The following CFAP161 variants were observed in gnomAD, a reference collection of about 807,000 sequenced individuals.
The protein encoded by CFAP161 is cilia and flagella associated protein 161, also known as cilia- and flagella-associated protein 161.
Under a neutral mutation model 29.0 loss-of-function variants are expected in CFAP161, and 25 were observed. That is an observed-to-expected ratio of 0.86 (90% CI 0.63 to 1.20). CFAP161 has a LOEUF of 1.20. CFAP161 is among the 50% of genes most tolerant of loss of function. The probability of loss-of-function intolerance (pLI) is 0.00; values close to 1 mark genes in which losing one functional copy is unlikely to be tolerated. For synonymous variants in CFAP161, 116 were observed against 137.4 expected (o/e 0.84, Z 1.09); for missense variants, 367 against 371.9 (o/e 0.99, Z 0.11).
chr15:81,120,789 G>C (rs1461679451), intron 1 of CFAP161, among the ~76,000 whole-genome samples: 1 of 152,116 alleles, frequency 6.6e-6, no homozygotes, highest in Non-Finnish European at 1.5e-5. Flanking sequence ...GTTTCAAAAA[G>C]GAAAATTTTA....
At chr15:81,103,556 C>T (rs1345337540) in intron 1 of CFAP161, among the ~76,000 whole-genome samples, 1 of 149,452 alleles carries the variant, frequency 6.7e-6, no homozygotes, top group East Asian at 1.9e-4. Flanking sequence ...CTGGAGGTTC[C>T]TGGAGGGTGG....
intron 1 of CFAP161, among the ~76,000 whole-genome samples, chr15:81,100,405 C>T (rs1304785442): frequency 2.0e-5 from 3 of 151,828 alleles, no homozygotes; most frequent in African/African-American, 7.2e-5. Context: ...TGAGACCTTA[C>T]AGATACCTTA....
chr15:81,107,241 G>A (rs1894383198), intron 1 of CFAP161, among the ~76,000 whole-genome samples: 1 of 152,158 alleles, frequency 6.6e-6, no homozygotes, highest in Non-Finnish European at 1.5e-5. Flanking sequence ...CCTAGGTACT[G>A]TGCCAATGTG....
At chr15:81,134,249 C>T, upstream of CFAP161, 2 of 1,511,116 alleles carry the variant, frequency 1.3e-6, no homozygotes, top group South Asian at 2.4e-5. Context: ...GACCAATCGC[C>T]TGGGGCCGGG....
rs189209718 is a variant in CFAP161 at position 81,147,130 on chromosome 15, A to G, written c.637-728A>G. ...ACGTAAAAATGCAGATTCACCGAGC[A>G]CAAGACGAATGCATAAGTAACTATT... On this transcript the variant is annotated intron_variant, in intron 5 of 6. Transcript: ENST00000286732. 1.1e-4 allele frequency among the ~76,000 whole-genome samples: 16 copies of G among 152,086 alleles called. No homozygotes were observed. In the East Asian group the frequency reaches 2.7e-3, roughly 26 times the overall value.
At chr15:81,147,220 C>T (rs980454913) in intron 5 of CFAP161, among the ~76,000 whole-genome samples, 8 of 151,992 alleles carry the variant, frequency 5.3e-5, no homozygotes, top group African/African-American at 1.7e-4. Context: ...CTCAAAAGAA[C>T]GCAACTGCTT....
At chr15:81,106,899 C>T (rs1038370664) in intron 1 of CFAP161, among the ~76,000 whole-genome samples, 1 of 152,088 alleles carries the variant, frequency 6.6e-6, no homozygotes, top group African/African-American at 2.4e-5. Context: ...GACCCCATTT[C>T]TACAAAATAT....
At chr15:81,143,117 A>G (rs1174988486) in intron 4 of CFAP161, among the ~76,000 whole-genome samples, 1 of 151,932 alleles carries the variant, frequency 6.6e-6, no homozygotes, top group African/African-American at 2.4e-5. Context: ...GTTCAAGACC[A>G]GCTTGGGAAA....
rs564676550 is a variant in CFAP161 at position 81,114,727 on chromosome 15, G to A, written c.-141-12863G>A. On this transcript the variant is annotated intron_variant, in intron 1 of 4. Coordinates refer to the CFAP161 transcript ENST00000560091. ...CGCCCAGGCTGGAGTGCAGTGGCGC[G>A]ATCTCGGCTCACTGCAAGCTCCGCC... 5.3e-4 allele frequency among the ~76,000 whole-genome samples: 80 copies of A among 152,226 alleles called. 1 individual carries two copies. The highest frequency in any genetic ancestry group is 9.3e-4 in the Non-Finnish European group (63 of 68,004).
chr15:81,122,562 G>A (rs143567323), intron 1 of CFAP161, among the ~76,000 whole-genome samples: 4,023 of 150,932 alleles, frequency 0.027, 196 homozygotes, highest in African/African-American at 0.092. Context: ...TATGATCTCG[G>A]CTCACTACAA....
intron 1 of CFAP161, among the ~76,000 whole-genome samples, chr15:81,101,058 C>A (rs1894297989): frequency 6.6e-6 from 1 of 152,154 alleles, no homozygotes; most frequent in Non-Finnish European, 1.5e-5. Context: ...TTTACTGGGG[C>A]AAACATTCCA....
chr15:81,145,611 G>C (rs1487653318), intron 5 of CFAP161, among the ~76,000 whole-genome samples: 4 of 152,082 alleles, frequency 2.6e-5, no homozygotes, highest in Non-Finnish European at 5.9e-5. Context: ...TCACCTTATG[G>C]CTTCAGGAAA....
rs574394026 is a variant in CFAP161 at position 81,104,947 on chromosome 15, GTTAC to G, written c.-141-22642_-141-22639del. ...CTATGGTTCTAGAGGCCAGAAACCT[GTTAC>G]CAAGATTTTGGCAGGGTTGGTTCCT... On this transcript the variant is annotated intron_variant, in intron 1 of 4. Transcript: ENST00000560091. Among the ~76,000 whole-genome samples, 7 of 152,234 alleles carry G rather than the reference GTTAC, an allele frequency of 4.6e-5. No homozygotes were observed. In the South Asian group the frequency reaches 1.2e-3, roughly 27 times the overall value.
intron 1 of CFAP161, among the ~76,000 whole-genome samples, chr15:81,111,328 T>C (rs11854918): frequency 0.052 from 7,972 of 152,320 alleles, 665 homozygotes; most frequent in African/African-American, 0.18. Flanking sequence ...TGAAAGGATT[T>C]GCCCATTGCA....
intron 1 of CFAP161, among the ~76,000 whole-genome samples, chr15:81,119,503 T>G (rs1413304173): frequency 1.3e-5 from 2 of 152,174 alleles, no homozygotes; most frequent in Non-Finnish European, 2.9e-5. Context: ...CGTTATATAA[T>G]TTTTGAAACT....
intron 1 of CFAP161, among the ~76,000 whole-genome samples, chr15:81,108,028 C>T (rs1894394914): frequency 6.6e-6 from 1 of 152,072 alleles, no homozygotes. Context: ...CTGAGACACA[C>T]CCTATCTTCT....
chr15:81,112,566 T>A (rs1276597103), intron 1 of CFAP161, among the ~76,000 whole-genome samples: 1 of 152,098 alleles, frequency 6.6e-6, no homozygotes, highest in Non-Finnish European at 1.5e-5. Flanking sequence ...GAACACAGGA[T>A]TTAGGAGATG....
intron 1 of CFAP161, among the ~76,000 whole-genome samples, chr15:81,122,904 T>C (rs532160716): frequency 2.0e-4 from 31 of 152,304 alleles, no homozygotes; most frequent in African/African-American, 6.5e-4. Context: ...TTCTTGTAAG[T>C]TCTCGATTAA....
At chr15:81,144,679 A>C (rs113528316) in intron 5 of CFAP161, among the ~76,000 whole-genome samples, 6,107 of 151,846 alleles carry the variant, frequency 0.04, 416 homozygotes, top group African/African-American at 0.14. Flanking sequence ...CCCAGCTACT[A>C]GAGAGGCTGA....
Sources: gnomAD v4.1 joint callset for allele counts (sites outside exome capture counted in the v4.1 genomes callset) on GRCh38, gnomAD v4.1.1 for gene constraint, MANE v1.5 for transcripts, NCBI Gene and HGNC (gene_info 2026-07-23, HGNC 2026-07-21) for gene names.